CA5A: variants seen among roughly 807,000 people sequenced by gnomAD.
The protein encoded by CA5A is carbonic anhydrase 5A, mitochondrial.
Under a neutral mutation model 37.1 loss-of-function variants are expected in CA5A, and 28 were observed. The observed-to-expected ratio is 0.75, with a 90% CI of 0.56 to 1.03. The LOEUF is 1.03. Ranked by LOEUF, CA5A falls within the 50% of genes least tolerant of loss-of-function variation. CA5A has a pLI of 0.00. For missense variants in CA5A, 444 were observed against 399.9 expected, an observed-to-expected ratio of 1.11 and a Z score of -0.94; for synonymous variants, 171 against 158.4, an observed-to-expected ratio of 1.08 and a Z score of -0.60.
chr16:87,919,457 G>A (rs955226861), intron 2 of CA5A, among the ~76,000 whole-genome samples: 1 of 152,168 alleles, frequency 6.6e-6, no homozygotes, highest in African/African-American at 2.4e-5. Flanking sequence ...AGGCGACATC[G>A]CTCCACTGGA....
At chr16:87,906,520 G>A (rs1242262559) in intron 2 of CA5A, among the ~76,000 whole-genome samples, 2 of 152,072 alleles carry the variant, frequency 1.3e-5, no homozygotes, top group Non-Finnish European at 2.9e-5. Flanking sequence ...CCAGCTACTC[G>A]GGAGGCTGAG....
At chr16:87,897,379 G>A (rs1198405874) in intron 5 of CA5A, among the ~76,000 whole-genome samples, 4 of 152,386 alleles carry the variant, frequency 2.6e-5, no homozygotes, top group East Asian at 1.9e-4. Flanking sequence ...GGTCAAAGGC[G>A]AAGCCTTGAG....
chr16:87,926,234 A>G (rs1389342038), intron 2 of CA5A, among the ~76,000 whole-genome samples: 2 of 151,976 alleles, frequency 1.3e-5, no homozygotes, highest in African/African-American at 4.8e-5. Flanking sequence ...AAAATAAAAT[A>G]AAATAAAATA....
At position 87,891,574 on chromosome 16, in the gene CA5A, T is replaced by G. The variant is rs1358139944; in HGVS notation, c.774+225A>C. Among the ~76,000 whole-genome samples, 3 of 152,292 alleles carry G rather than the reference T, an allele frequency of 2.0e-5. No homozygotes were observed. In the East Asian group the frequency reaches 5.8e-4, roughly 29 times the overall value. ...GCCTCGTGTGTCTGTGTGTGATAGA[T>G]TAGGGCGTTGCTCAGGACATGCTTG... On this transcript the variant is annotated intron_variant, in intron 6 of 6. Transcript: ENST00000649794.
chr16:87,921,016 C>G (rs2056222842), intron 2 of CA5A, among the ~76,000 whole-genome samples: 1 of 152,100 alleles, frequency 6.6e-6, no homozygotes, highest in Non-Finnish European at 1.5e-5. Context: ...TGGTCTCGAA[C>G]TCCTGACCTC....
chr16:87,907,400 G>A (rs552946497), intron 2 of CA5A, among the ~76,000 whole-genome samples: 15 of 152,266 alleles, frequency 9.9e-5, no homozygotes, highest in Admixed American at 9.2e-4. Flanking sequence ...ATTGATGGGT[G>A]ACTGAGGGTG....
chr16:87,902,032 C>A, intron 4 of CA5A, 58 bp from the exon 5 acceptor site: 1 of 1,450,196 alleles, frequency 6.9e-7, no homozygotes, highest in South Asian at 1.1e-5. Flanking sequence ...GGGGGAAGCT[C>A]ACTCCACTGT....
chr16:87,924,197 C>T (rs1409206041), intron 2 of CA5A: 1 of 985,456 alleles, frequency 1.0e-6, no homozygotes, highest in Non-Finnish European at 1.2e-6. Context: ...TTGCACTTTG[C>T]TTACGTTGGC....
At chr16:87,903,164 GGCTCAC>G (rs1298562473) in intron 3 of CA5A, among the ~76,000 whole-genome samples, 2 of 152,146 alleles carry the variant, frequency 1.3e-5, no homozygotes, top group Non-Finnish European at 2.9e-5. Flanking sequence ...TGGGCGCGGT[GGCTCAC>G]GCCTATAATC....
intron 5 of CA5A, among the ~76,000 whole-genome samples, chr16:87,898,304 G>A (rs1275546341): frequency 2.0e-5 from 3 of 152,250 alleles, no homozygotes; most frequent in Non-Finnish European, 4.4e-5. Flanking sequence ...GAGAACTGCT[G>A]AGTCCGCGGG....
rs539137040 is a variant in CA5A at position 87,902,523 on chromosome 16, G to A, written c.460-3C>T. 1.5e-5 allele frequency: 22 copies of A among 1,441,846 alleles called. No homozygotes were observed. Among genetic ancestry groups the A allele is most frequent in the Admixed American group, 8.4e-5 (5 of 59,732 alleles). 89.3% of individuals were successfully genotyped at this position (1,441,846 alleles called of 1,614,324 possible). A position where few individuals can be genotyped will look rare whatever the true frequency, so the allele number is the denominator to read the frequency against. ...GAATTCCAGTGAACTAAATGCAGCTGAAACACAATGGAAAGAGAACTTAAA... is the reference window on the plus strand; with the variant it reads ...GAATTCCAGTGAACTAAATGCAGCTAAAACACAATGGAAAGAGAACTTAAA... On this transcript the variant is annotated splice_polypyrimidine_tract_variant and splice_region_variant and intron_variant, in intron 3 of 6. Coordinates refer to ENST00000649794, the MANE Select transcript of CA5A (RefSeq NM_001739.2).
At chr16:87,900,239 T>G (rs1008050507) in intron 5 of CA5A, among the ~76,000 whole-genome samples, 2 of 152,192 alleles carry the variant, frequency 1.3e-5, no homozygotes, top group African/African-American at 4.8e-5. Flanking sequence ...AAACAACCCC[T>G]GCCCAGGTTT....
At chr16:87,919,271 G>A (rs1472418751) in intron 2 of CA5A, among the ~76,000 whole-genome samples, 1 of 152,206 alleles carries the variant, frequency 6.6e-6, no homozygotes, top group Non-Finnish European at 1.5e-5. Flanking sequence ...CAGTGAGGAG[G>A]GCGCCCCATC....
At chr16:87,906,350 G>C (rs1304828309) in intron 2 of CA5A, among the ~76,000 whole-genome samples, 1 of 152,148 alleles carries the variant, frequency 6.6e-6, no homozygotes, top group Non-Finnish European at 1.5e-5. Context: ...TACTTGGGCT[G>C]GGCGTGGTGG....
intron 1 of CA5A, among the ~76,000 whole-genome samples, chr16:87,928,751 C>CTT (rs1567537787): frequency 7.5e-5 from 8 of 107,264 alleles, no homozygotes; most frequent in African/African-American, 2.5e-4. Context: ...GGATTATTTT[C>CTT]TTTTCTTTGT....
At position 87,911,743 on chromosome 16, in the gene CA5A, A is replaced by T. The variant is rs566171741; in HGVS notation, c.341-6839T>A. ...GGAAGTTAGCCTCTGAGACCATCACATATTGGCACTGGTTTGAAAGCCAGG... is the reference window on the plus strand; with the variant it reads ...GGAAGTTAGCCTCTGAGACCATCACTTATTGGCACTGGTTTGAAAGCCAGG... On this transcript the variant is annotated intron_variant, in intron 2 of 6. Transcript: ENST00000649794. This position sits in a 1 kb window ranked among gnomAD's most constrained non-coding sequence, Gnocchi z 4.6. 2.6e-5 allele frequency among the ~76,000 whole-genome samples: 4 copies of T among 152,260 alleles called. No individual in the cohort carries two copies. Among genetic ancestry groups the T allele is most frequent in the Admixed American group, 2.0e-4 (3 of 15,296 alleles).
intron 1 of CA5A, 130 bp downstream of exon 1, chr16:87,936,179 A>AG (rs2056467957): frequency 1.6e-6 from 1 of 636,552 alleles, no homozygotes; most frequent in African/African-American, 1.9e-5. Context: ...CTTAAAAAAA[A>AG]AAAAAAAAAA....
chr16:87,902,800 T>C (rs1164631643), intron 3 of CA5A, among the ~76,000 whole-genome samples: 1 of 150,206 alleles, frequency 6.7e-6, no homozygotes, highest in African/African-American at 2.5e-5. Flanking sequence ...TAGTCCCAGG[T>C]ACTCAGGAGG....
Position 87,913,782 on chromosome 16 carries a change from G to A in CA5A, c.341-8878C>T, listed in dbSNP as rs941820533. Among the ~76,000 whole-genome samples, 10 of 152,116 alleles carry A rather than the reference G, an allele frequency of 6.6e-5. No individual in the cohort carries two copies. In the East Asian group the frequency reaches 7.7e-4, roughly 12 times the overall value. On this transcript the variant is annotated intron_variant, in intron 2 of 6. Coordinates refer to ENST00000649794, the MANE Select transcript of CA5A (RefSeq NM_001739.2). ...CCGGTCTTGCACACACCTGGGGAGC[G>A]TAGCTGGCCCGTCCTGCACACCAGC... is the stretch of plus-strand genomic sequence containing the variant.
Sources: allele counts gnomAD v4.1 joint callset (sites outside exome capture counted in the v4.1 genomes callset), GRCh38; gene constraint gnomAD v4.1.1; non-coding constraint Gnocchi (gnomAD v3.1); transcripts MANE v1.5; gene names NCBI Gene and HGNC (gene_info 2026-07-23, HGNC 2026-07-21).